The following JAKMIP3 variants were observed in gnomAD, a reference collection of about 807,000 sequenced individuals.
JAKMIP3 encodes janus kinase and microtubule-interacting protein 3.
JAKMIP3 carries 58 observed loss-of-function variants against 118.5 expected under a neutral mutation model. The ratio of observed to expected loss-of-function variants is 0.49; its 90% confidence interval spans 0.40 to 0.61. JAKMIP3 has a LOEUF of 0.61. JAKMIP3 is among the 20% of genes least tolerant of loss of function. The probability of loss-of-function intolerance (pLI) is 0.00; values close to 1 mark genes in which losing one functional copy is unlikely to be tolerated. For missense variants in JAKMIP3, 950 were observed against 1,109.0 expected (o/e 0.86, Z 2.04); for synonymous variants, 486 against 451.2 (o/e 1.08, Z -0.98).
chr10:132,122,477 AG>A (rs1339746029), intron 3 of JAKMIP3, among the ~76,000 whole-genome samples: 1 of 152,242 alleles, frequency 6.6e-6, no homozygotes, highest in Non-Finnish European at 1.5e-5. Flanking sequence ...GAGAGACTGG[AG>A]GGGCCACACA....
chr10:132,184,331 C>T lies in JAKMIP3; in HGVS notation c.*3078C>T, dbSNP rs1229549498. 6.6e-6 allele frequency: 1 copy of T among 152,142 alleles called. No individual in the cohort carries two copies. Among genetic ancestry groups the T allele is most frequent in the African/African-American group, 2.4e-5 (1 of 41,416 alleles). 9.4% of individuals were successfully genotyped at this position (152,142 alleles called of 1,614,324 possible). A position where few individuals can be genotyped will look rare whatever the true frequency, so the allele number is the denominator to read the frequency against. On this transcript the variant is annotated 3_prime_UTR_variant, in exon 24 of 24. Transcript: ENST00000684848. ...GCTTGTGAACACCGATACTAGAAGTCAAAAAGAAGAGAGTGCCCAAGTGTG... is the reference window on the plus strand; with the variant it reads ...GCTTGTGAACACCGATACTAGAAGTTAAAAAGAAGAGAGTGCCCAAGTGTG...
Position 132,141,725 on chromosome 10 carries a change from A to G in JAKMIP3, c.1474-195A>G, listed in dbSNP as rs570632144. 6.6e-4 allele frequency among the ~76,000 whole-genome samples: 100 copies of G among 152,244 alleles called. 1 individual carries two copies. Among genetic ancestry groups the G allele is most frequent in the African/African-American group, 2.4e-3 (99 of 41,556 alleles). ...CCCTCCCCAGGGAAACCTTTCTCCA[A>G]ACAGCACTGAGTCCCCAGGCAGCCG... On this transcript the variant is annotated intron_variant, in intron 10 of 23. Transcript: ENST00000684848.
At chr10:132,114,961 A>C (rs2047402846) in intron 2 of JAKMIP3, among the ~76,000 whole-genome samples, 1 of 152,208 alleles carries the variant, frequency 6.6e-6, no homozygotes, top group Non-Finnish European at 1.5e-5. Flanking sequence ...TCCTCAATGA[A>C]TTCATTTCTT....
At chr10:132,052,484 G>A (rs2038129300) in intron 1 of JAKMIP3, among the ~76,000 whole-genome samples, 1 of 152,032 alleles carries the variant, frequency 6.6e-6, no homozygotes, top group African/African-American at 2.4e-5. Flanking sequence ...TTCAACTTTT[G>A]CATCTGGCAA....
chr10:132,045,427 C>T (rs924177528), intron 1 of JAKMIP3, among the ~76,000 whole-genome samples: 8 of 152,210 alleles, frequency 5.3e-5, no homozygotes, highest in Admixed American at 3.9e-4. Context: ...ACCCTCTACC[C>T]GCACCTGGCA....
In JAKMIP3 at chr10:132,180,572, TGTGTGTGC is replaced by T. The variant is rs570761940; in HGVS notation, c.*1104-1781_*1104-1774del. ...GTGCGTGCATGCGTGTGTGTGCGTG[TGTGTGTGC>T]GTGCGCGTGTGTGTGTGCGTGCGCG... On this transcript the variant is annotated intron_variant, in intron 23 of 23. Coordinates refer to ENST00000684848, the MANE Select transcript of JAKMIP3 (RefSeq NM_001323087.2). 0.029 allele frequency among the ~76,000 whole-genome samples: 840 copies of T among 29,422 alleles called. 229 individuals carry two copies. The East Asian group carries it at 0.57, about 20-fold the overall frequency. The allele number at this position is 29,422 out of a possible 152,430, so 19.3% of individuals were successfully genotyped here. A position where few individuals can be genotyped will look rare whatever the true frequency, so the allele number is the denominator to read the frequency against.
At chr10:132,101,932 G>C (rs1465919164) in intron 1 of JAKMIP3, among the ~76,000 whole-genome samples, 1 of 152,048 alleles carries the variant, frequency 6.6e-6, no homozygotes, top group African/African-American at 2.4e-5. Context: ...TGGGTCCCCA[G>C]GGAGGACTGT....
Position 132,117,062 on chromosome 10 carries a change from G to A in JAKMIP3, c.136-15G>A, listed in dbSNP as rs374331637. ...TGGAGCTCCTGCCACACTCAGTCTCGCTGTTGTCTTTCAGGTCAGCAAAGT... is the reference window on the plus strand; with the variant it reads ...TGGAGCTCCTGCCACACTCAGTCTCACTGTTGTCTTTCAGGTCAGCAAAGT... On this transcript the variant is annotated splice_polypyrimidine_tract_variant and intron_variant, in intron 2 of 23. Transcript: ENST00000684848. The surrounding 1 kb of genome is among the most constrained non-coding windows in gnomAD (Gnocchi z 8.6). The A allele has an allele frequency of 1.1e-4, 179 of 1,594,816 alleles. No homozygotes were observed. Among genetic ancestry groups the A allele is most frequent in the Admixed American group, 2.0e-4 (12 of 59,248 alleles).
At chr10:132,174,884 T>G (rs1362992397) in intron 23 of JAKMIP3, among the ~76,000 whole-genome samples, 1 of 152,206 alleles carries the variant, frequency 6.6e-6, no homozygotes, top group Non-Finnish European at 1.5e-5. Flanking sequence ...TTTTGTGTGT[T>G]GATTTTCCAT....
chr10:132,110,504 G>A (rs1341391076), intron 2 of JAKMIP3, among the ~76,000 whole-genome samples: 2 of 152,222 alleles, frequency 1.3e-5, no homozygotes, highest in East Asian at 1.9e-4. Flanking sequence ...TCTCTGCTGC[G>A]GTACTGGACT....
rs1438256500 is a variant in JAKMIP3, at chr10:132,182,422, G to C, written c.*1169G>C. Reference sequence around the variant, plus strand: ...TTTCCATTCCTGCTGGGAGACCCGGGACGCAGCCCGGGAGCTTCGTCCAGC... The same window carrying C: ...TTTCCATTCCTGCTGGGAGACCCGGCACGCAGCCCGGGAGCTTCGTCCAGC... On this transcript the variant is annotated 3_prime_UTR_variant, in exon 24 of 24. Coordinates refer to ENST00000684848, the MANE Select transcript of JAKMIP3 (RefSeq NM_001323087.2). The C allele has an allele frequency of 2.0e-5, 3 of 152,250 alleles. No homozygotes were observed. Among genetic ancestry groups the C allele is most frequent in the African/African-American group, 7.2e-5 (3 of 41,470 alleles). The allele number at this position is 152,250 out of a possible 1,614,324, so 9.4% of individuals were successfully genotyped here.
chr10:132,090,408 G>C (rs1338375833), intron 1 of JAKMIP3, among the ~76,000 whole-genome samples: 1 of 152,152 alleles, frequency 6.6e-6, no homozygotes, highest in African/African-American at 2.4e-5. Flanking sequence ...GGTCTATTCA[G>C]AGATTCAACT....
intron 7 of JAKMIP3, 45 bp from the exon 8 acceptor site, chr10:132,137,209 C>T (rs1446925499): frequency 6.2e-7 from 1 of 1,613,916 alleles, no homozygotes. Flanking sequence ...GCTTGGCTAA[C>T]AGGGACCCTG....
chr10:132,053,789 C>T (rs1376483095), intron 1 of JAKMIP3, among the ~76,000 whole-genome samples: 2 of 151,788 alleles, frequency 1.3e-5, no homozygotes, highest in Admixed American at 1.3e-4. Flanking sequence ...AATCCCAGCA[C>T]TTTGGGAGGC....
At position 132,180,770 on chromosome 10, in the gene JAKMIP3, C is replaced by CGT. The variant is rs1272261097; in HGVS notation, c.*1104-1575_*1104-1574dup. On this transcript the variant is annotated intron_variant, in intron 23 of 23. Coordinates refer to ENST00000684848, the MANE Select transcript of JAKMIP3 (RefSeq NM_001323087.2). Reference sequence around the variant, plus strand: ...GCGCGCGCGTGTGTGCGTGTGTGTGCGTGTGTGTGTGTGCGCGTATGCATG... The same window carrying CGT: ...GCGCGCGCGTGTGTGCGTGTGTGTGCGTGTGTGTGTGTGTGCGCGTATGCATG... Among the ~76,000 whole-genome samples the CGT allele has an allele frequency of 2.3e-4, 12 of 52,202 alleles. 3 individuals carry two copies. Among genetic ancestry groups the CGT allele is most frequent in the African/African-American group, 9.5e-4 (8 of 8,388 alleles). 34.2% of individuals were successfully genotyped at this position (52,202 alleles called of 152,430 possible).
chr10:132,155,302 G>T (rs977297717), intron 19 of JAKMIP3, among the ~76,000 whole-genome samples: 4 of 152,136 alleles, frequency 2.6e-5, no homozygotes, highest in Non-Finnish European at 5.9e-5. Flanking sequence ...TTCCTATGTG[G>T]CAGGCACTGG....
chr10:132,112,257 G>A lies in JAKMIP3; in HGVS notation c.136-4820G>A, dbSNP rs897454892. 3.9e-5 allele frequency among the ~76,000 whole-genome samples: 6 copies of A among 152,064 alleles called. No homozygotes were observed. The highest frequency in any genetic ancestry group is 2.1e-4 in the South Asian group (1 of 4,824). ...GGTGAGCACAGGTGCCTGCTGTCCC[G>A]CGGGGCACACGGGCCTCAGGTGTGG... is the stretch of plus-strand genomic sequence containing the variant. On this transcript the variant is annotated intron_variant, in intron 2 of 23. Coordinates refer to ENST00000684848, the MANE Select transcript of JAKMIP3 (RefSeq NM_001323087.2). The surrounding 1 kb of genome is among the most constrained non-coding windows in gnomAD (Gnocchi z 4.3).
At chr10:132,148,633 C>T (rs373982267) in intron 14 of JAKMIP3, among the ~76,000 whole-genome samples, 38 of 152,326 alleles carry the variant, frequency 2.5e-4, no homozygotes, top group Middle Eastern at 6.8e-3. Flanking sequence ...GTGGGGGCCA[C>T]GCGGTGACTG....
At chr10:132,114,054 C>T (rs1392595166) in intron 2 of JAKMIP3, among the ~76,000 whole-genome samples, 1 of 152,232 alleles carries the variant, frequency 6.6e-6, no homozygotes, top group East Asian at 1.9e-4. Context: ...TACTCCTTTA[C>T]CTCTGTCCTC....
Sources: allele counts gnomAD v4.1 joint callset (sites outside exome capture counted in the v4.1 genomes callset), GRCh38; gene constraint gnomAD v4.1.1; non-coding constraint Gnocchi (gnomAD v3.1); transcripts MANE v1.5; gene names NCBI Gene and HGNC (gene_info 2026-07-23, HGNC 2026-07-21).